The following DLG2 variants were observed in gnomAD, a reference collection of about 807,000 sequenced individuals.
DLG2 encodes the protein disks large homolog 2.
Under a neutral mutation model 132.5 loss-of-function variants are expected in DLG2, and 45 were observed. The ratio of observed to expected loss-of-function variants is 0.34; its 90% CI spans 0.27 to 0.44. DLG2 has a LOEUF of 0.44. DLG2 is among the 20% of genes least tolerant of loss of function. The pLI, the probability that DLG2 is intolerant of heterozygous loss-of-function variation, is 1.00. For synonymous variants in DLG2, 424 were observed against 419.6 expected, an observed-to-expected ratio of 1.01 and a Z score of -0.13; for missense variants, 1,045 against 1,196.9, an observed-to-expected ratio of 0.87 and a Z score of 1.87.
chr11:83,668,992 C>T (rs2076359417), intron 18 of DLG2, among the ~76,000 whole-genome samples: 1 of 151,866 alleles, frequency 6.6e-6, no homozygotes, highest in South Asian at 2.1e-4. Flanking sequence ...ATGAAATCTA[C>T]AGGCAGCAAA....
At chr11:84,290,403 C>A (rs1346546939) in intron 7 of DLG2, among the ~76,000 whole-genome samples, 2 of 152,020 alleles carry the variant, frequency 1.3e-5, no homozygotes, top group African/African-American at 4.8e-5. Context: ...CAAAAGAAAG[C>A]CTCTTGGTTT....
intron 17 of DLG2, among the ~76,000 whole-genome samples, chr11:83,795,743 T>C (rs939610310): frequency 2.0e-5 from 3 of 152,144 alleles, no homozygotes; most frequent in African/African-American, 4.8e-5. Context: ...CTGGAAATAT[T>C]TGTCTATTTC....
At chr11:84,772,996 C>G (rs1255965429) in intron 6 of DLG2, among the ~76,000 whole-genome samples, 1 of 151,724 alleles carries the variant, frequency 6.6e-6, no homozygotes, top group African/African-American at 2.4e-5. Context: ...ATCAACAAAA[C>G]CAAAACTTGG....
intron 9 of DLG2, among the ~76,000 whole-genome samples, chr11:84,144,755 A>G (rs756223682): frequency 1.1e-4 from 16 of 152,210 alleles, no homozygotes; most frequent in Non-Finnish European, 2.2e-4. Context: ...GTGTAAGGAC[A>G]TAGAACTGCT....
chr11:84,012,114 G>A (rs537419554), intron 11 of DLG2, among the ~76,000 whole-genome samples: 3 of 151,982 alleles, frequency 2.0e-5, no homozygotes, highest in Non-Finnish European at 4.4e-5. Context: ...TGGATAGTTC[G>A]CTTGCTTTTC....
chr11:85,461,953 C>T (rs922496873), intron 3 of DLG2, among the ~76,000 whole-genome samples: 12 of 152,030 alleles, frequency 7.9e-5, no homozygotes, highest in East Asian at 3.8e-4. Context: ...AACAAATTTA[C>T]AAGAAAAAAA....
chr11:85,423,398 T>G (rs570364943), intron 3 of DLG2, among the ~76,000 whole-genome samples: 1 of 152,314 alleles, frequency 6.6e-6, no homozygotes, highest in African/African-American at 2.4e-5. Flanking sequence ...TATATTTTGC[T>G]GGTTGGCCTC....
At chr11:84,892,489 T>C (rs2089556770) in intron 6 of DLG2, among the ~76,000 whole-genome samples, 1 of 152,186 alleles carries the variant, frequency 6.6e-6, no homozygotes, top group African/African-American at 2.4e-5. Context: ...ATTTGCTGGA[T>C]GGATTAATAA....
At chr11:84,440,868 C>T (rs1389716416) in intron 7 of DLG2, among the ~76,000 whole-genome samples, 3 of 152,042 alleles carry the variant, frequency 2.0e-5, no homozygotes. Context: ...CTGCCTAGCA[C>T]ATGAATGATT....
intron 3 of DLG2, among the ~76,000 whole-genome samples, chr11:85,544,206 T>C (rs530192329): frequency 3.0e-4 from 45 of 152,344 alleles, no homozygotes; most frequent in Admixed American, 2.7e-3. Flanking sequence ...GCTTTCTACA[T>C]ATGGCTAGCC....
intron 14 of DLG2, among the ~76,000 whole-genome samples, chr11:83,952,467 G>A (rs931203212): frequency 1.3e-5 from 2 of 152,106 alleles, no homozygotes; most frequent in Non-Finnish European, 2.9e-5. Flanking sequence ...ATTAGGCAGT[G>A]GAAATTTGGC....
At chr11:83,507,631 G>A (rs981556044) in intron 21 of DLG2, among the ~76,000 whole-genome samples, 2 of 145,256 alleles carry the variant, frequency 1.4e-5, no homozygotes, top group East Asian at 4.0e-4. Context: ...AAATAAAAGA[G>A]TTAAATGGGG....
intron 3 of DLG2, among the ~76,000 whole-genome samples, chr11:85,412,687 T>A (rs2089421697): frequency 2.0e-5 from 3 of 149,134 alleles, no homozygotes; most frequent in Non-Finnish European, 4.5e-5. Flanking sequence ...TCTCTGTGAA[T>A]GCTGCTAACT....
chr11:85,021,187 C>A, intron 6 of DLG2: 2 of 1,027,516 alleles, frequency 1.9e-6, no homozygotes, highest in African/African-American at 1.6e-5. Flanking sequence ...AGCTTTTTCC[C>A]TTCGTGAGTT....
At chr11:85,054,957 A>G (rs886358989) in intron 6 of DLG2, among the ~76,000 whole-genome samples, 5 of 152,168 alleles carry the variant, frequency 3.3e-5, no homozygotes, top group African/African-American at 1.2e-4. Context: ...GTACGAACGC[A>G]GCATCATGCA....
chr11:84,413,757 T>C (rs2098918447), intron 7 of DLG2, among the ~76,000 whole-genome samples: 2 of 152,196 alleles, frequency 1.3e-5, no homozygotes, highest in African/African-American at 4.8e-5. Flanking sequence ...TGATTATCCC[T>C]GATGAGGGCA....
chr11:84,565,080 T>G (rs1204828682), intron 6 of DLG2, among the ~76,000 whole-genome samples: 2 of 152,210 alleles, frequency 1.3e-5, no homozygotes, highest in African/African-American at 4.8e-5. Context: ...ATCATTATAC[T>G]ATAAAGCATT....
chr11:85,489,703 T>A (rs1237727146), intron 3 of DLG2, among the ~76,000 whole-genome samples: 1 of 152,038 alleles, frequency 6.6e-6, no homozygotes, highest in Non-Finnish European at 1.5e-5. Context: ...AAAATCAAAA[T>A]CATATCAAGT....
intron 3 of DLG2, among the ~76,000 whole-genome samples, chr11:85,550,321 T>TA (rs2076587391): frequency 6.6e-6 from 1 of 152,232 alleles, no homozygotes; most frequent in African/African-American, 2.4e-5. Context: ...AAGAGCACTG[T>TA]ATCACATCAC....
Sources: allele counts gnomAD v4.1 joint callset (sites outside exome capture counted in the v4.1 genomes callset), GRCh38; gene constraint gnomAD v4.1.1; transcripts MANE v1.5; gene names NCBI Gene and HGNC (gene_info 2026-07-23, HGNC 2026-07-21).